PEBP4: variants seen among roughly 807,000 people sequenced by gnomAD.
PEBP4 encodes phosphatidylethanolamine-binding protein 4.
A neutral mutation model predicts 23.9 loss-of-function variants in PEBP4; 22 were observed. That is an observed-to-expected ratio of 0.92 (90% confidence interval 0.66 to 1.31). The LOEUF (loss-of-function observed/expected upper bound fraction) is 1.31, where lower values mean the gene tolerates loss of function less well. Among genes scored for constraint, PEBP4 ranks in the 40% most tolerant of loss-of-function variants. The probability of loss-of-function intolerance (pLI) is 0.00; values close to 1 mark genes in which losing one functional copy is unlikely to be tolerated. For synonymous variants in PEBP4, 112 were observed against 99.3 expected (o/e 1.13, Z -0.76); for missense variants, 324 against 281.7 (o/e 1.15, Z -1.07).
chr8:22,860,609 G>A (rs544990210), intron 3 of PEBP4, among the ~76,000 whole-genome samples: 19 of 152,266 alleles, frequency 1.2e-4, no homozygotes, highest in South Asian at 1.0e-3. Flanking sequence ...GATATACCAC[G>A]TTGTGTTTAT....
chr8:22,757,239 CA>C (rs1585256727), intron 4 of PEBP4: 1 of 152,318 alleles, frequency 6.6e-6, no homozygotes, highest in East Asian at 1.9e-4. Flanking sequence ...GGTGGTTTGC[CA>C]AAGCTGAGAA....
At position 22,804,924 on chromosome 8, in the gene PEBP4, G is replaced by A. The variant is rs554406423; in HGVS notation, c.357+12713C>T. Among the ~76,000 whole-genome samples the A allele has an allele frequency of 2.0e-5, 3 of 152,174 alleles. No individual in the cohort carries two copies. In the South Asian group the frequency reaches 6.2e-4, roughly 32 times the overall value. On this transcript the variant is annotated intron_variant, in intron 4 of 6. Transcript: ENST00000256404. ...CTCCTTCCTGCTGTTCCCTCGGCCC[G>A]GCTGCCCTGTCCTCGCAGGGTTGCC...
At chr8:22,835,619 A>C (rs556078419) in intron 3 of PEBP4, among the ~76,000 whole-genome samples, 2 of 152,272 alleles carry the variant, frequency 1.3e-5, no homozygotes, top group East Asian at 3.9e-4. Context: ...TTTATGGTAA[A>C]CCTAGCAGGA....
At chr8:22,772,491 C>CTTTTTTTTTTTTTTTTTT (rs1171525883) in intron 4 of PEBP4, among the ~76,000 whole-genome samples, 1 of 93,434 alleles carries the variant, frequency 1.1e-5, no homozygotes, top group Non-Finnish European at 2.3e-5. Flanking sequence ...CTCTCTCTCT[C>CTTTTTTTTTTTTTTTTTT]TCTTTTTTTT....
At chr8:22,727,372 A>AG (rs1371498826) in intron 4 of PEBP4, 152 bp from the exon 5 acceptor site, 20 of 764,048 alleles carry the variant, frequency 2.6e-5, no homozygotes, top group Non-Finnish European at 4.4e-5. Context: ...GGAAAATGGG[A>AG]GAGCAGGAGG....
chr8:22,834,742 C>T (rs1311706399), intron 3 of PEBP4, among the ~76,000 whole-genome samples: 2 of 152,308 alleles, frequency 1.3e-5, no homozygotes, highest in East Asian at 1.9e-4. Flanking sequence ...TCTTTTGTCC[C>T]CTCACTCATT....
At chr8:22,742,557 GGAT>G (rs1282883756) in intron 4 of PEBP4, among the ~76,000 whole-genome samples, 2 of 152,194 alleles carry the variant, frequency 1.3e-5, no homozygotes, top group Non-Finnish European at 2.9e-5. Flanking sequence ...GACAGAAGGG[GGAT>G]GATGACAAGG....
intron 3 of PEBP4, among the ~76,000 whole-genome samples, chr8:22,822,361 G>GTA (rs1806878338): frequency 6.6e-6 from 1 of 151,868 alleles, no homozygotes; most frequent in South Asian, 2.1e-4. Context: ...TAAAGTGTGT[G>GTA]TGTGTGTGTG....
chr8:22,917,928 GA>G lies in PEBP4; in HGVS notation c.258+2255del, dbSNP rs1035516917. On this transcript the variant is annotated intron_variant, in intron 3 of 6. Coordinates refer to ENST00000256404, the MANE Select transcript of PEBP4 (RefSeq NM_144962.3). ...TCTATTTACAAATGAAAACAGCACA[GA>G]AAAAAACAATCAAGAGACAGATTCC... Among the ~76,000 whole-genome samples, 3 of 152,112 alleles carry G rather than the reference GA, an allele frequency of 2.0e-5. No homozygotes were observed. In the South Asian group the frequency reaches 6.2e-4, roughly 32 times the overall value.
At chr8:22,929,078 A>AGGGG (rs1809412324), upstream of PEBP4, among the ~76,000 whole-genome samples, 3 of 152,236 alleles carry the variant, frequency 2.0e-5, no homozygotes, top group Non-Finnish European at 4.4e-5. Context: ...AGAGTCTAAT[A>AGGGG]GTAGCCTCCT....
At chr8:22,925,577 C>T (rs1469377445) in intron 2 of PEBP4, among the ~76,000 whole-genome samples, 2 of 152,136 alleles carry the variant, frequency 1.3e-5, no homozygotes, top group Non-Finnish European at 2.9e-5. Flanking sequence ...ACAGAAGGTG[C>T]CCTGGGACTT....
At chr8:22,901,907 C>A (rs1563254692) in intron 3 of PEBP4, among the ~76,000 whole-genome samples, 1 of 152,200 alleles carries the variant, frequency 6.6e-6, no homozygotes. Context: ...ACAAATGATT[C>A]AAATAAGAAG....
intron 3 of PEBP4, among the ~76,000 whole-genome samples, chr8:22,826,108 G>A (rs1806962741): frequency 1.3e-5 from 2 of 152,264 alleles, no homozygotes; most frequent in South Asian, 2.1e-4. Context: ...AGAAAGCTTG[G>A]TGTACAATAC....
chr8:22,894,887 C>T (rs923800579), intron 3 of PEBP4, among the ~76,000 whole-genome samples: 1 of 152,166 alleles, frequency 6.6e-6, no homozygotes, highest in African/African-American at 2.4e-5. Flanking sequence ...GCAGAAGCTG[C>T]CCCTTTTCCC....
At chr8:22,734,363 C>T (rs866450098) in intron 4 of PEBP4, among the ~76,000 whole-genome samples, 1 of 152,130 alleles carries the variant, frequency 6.6e-6, no homozygotes, top group African/African-American at 2.4e-5. Context: ...GAATGAAGCC[C>T]GTGGGAAGTG....
intron 4 of PEBP4, among the ~76,000 whole-genome samples, chr8:22,786,230 T>C (rs1806024224): frequency 6.6e-6 from 1 of 152,222 alleles, no homozygotes; most frequent in African/African-American, 2.4e-5. Context: ...CTTGTGTTCC[T>C]TGGTTGGGAC....
At chr8:22,832,554 G>A (rs1461950911) in intron 3 of PEBP4, among the ~76,000 whole-genome samples, 1 of 152,140 alleles carries the variant, frequency 6.6e-6, no homozygotes, top group Non-Finnish European at 1.5e-5. Flanking sequence ...TCAGGGAGAG[G>A]GGCTTTCCTG....
chr8:22,816,823 C>T (rs1278304485), intron 4 of PEBP4, among the ~76,000 whole-genome samples: 1 of 152,178 alleles, frequency 6.6e-6, no homozygotes, highest in Non-Finnish European at 1.5e-5. Flanking sequence ...GTGTGGACTT[C>T]CCCAAAGAGC....
rs117342433 is a variant in PEBP4, at chr8:22,927,825, C to T, written c.-9G>A. 2,139 of 1,421,754 alleles carry T rather than the reference C, an allele frequency of 1.5e-3. 49 individuals carry two copies. In the East Asian group the frequency reaches 0.045, roughly 30 times the overall value. 88.1% of individuals were successfully genotyped at this position (1,421,754 alleles called of 1,614,324 possible). ...GGCCCACTTGGCAGGATAGAGACCT[C>T]TGGTTAAGCACAGGGAGAAGGACAG... is the stretch of plus-strand genomic sequence containing the variant. On this transcript the variant is annotated splice_region_variant and 5_prime_UTR_variant, in exon 1 of 7. Transcript: ENST00000256404.
Sources: gnomAD v4.1 joint callset for allele counts (sites outside exome capture counted in the v4.1 genomes callset) on GRCh38, gnomAD v4.1.1 for gene constraint, MANE v1.5 for transcripts, NCBI Gene and HGNC (gene_info 2026-07-23, HGNC 2026-07-21) for gene names.